Variants in MTF2 observed in about 807,000 individuals in gnomAD.
MTF2 encodes metal-response element-binding transcription factor 2.
A neutral mutation model predicts 79.5 loss-of-function variants in MTF2; 11 were observed. The ratio of observed to expected loss-of-function variants is 0.14; its 90% CI spans 0.09 to 0.23. MTF2 has a LOEUF of 0.23. Among genes scored for constraint, MTF2 ranks in the 10% least tolerant of loss-of-function variants. MTF2 has a pLI of 1.00. For synonymous variants in MTF2, 208 were observed against 232.8 expected (o/e 0.89, Z 0.97); for missense variants, 486 against 711.2 (o/e 0.68, Z 3.60).
intron 1 of MTF2, among the ~76,000 whole-genome samples, chr1:93,100,471 A>AT (rs1296504145): frequency 6.6e-6 from 1 of 151,886 alleles, no homozygotes; most frequent in Non-Finnish European, 1.5e-5. Context: ...TGCCTGGCTA[A>AT]TTTTTTAGTA....
At chr1:93,104,995 T>C (rs1206671563) in intron 1 of MTF2, among the ~76,000 whole-genome samples, 5 of 151,850 alleles carry the variant, frequency 3.3e-5, no homozygotes, top group Admixed American at 3.3e-4. Context: ...ATACAAAAAG[T>C]TAGCCGGGTG....
At chr1:93,129,608 T>C (rs1159563993) in intron 11 of MTF2, among the ~76,000 whole-genome samples, 160 bp downstream of exon 11, 1 of 151,156 alleles carries the variant, frequency 6.6e-6, no homozygotes, top group East Asian at 1.9e-4. Context: ...AGACAAGGTA[T>C]GAAGAGTTGA....
rs11579469 is a variant in MTF2 at position 93,105,585 on chromosome 1, C to T, written c.6-4645C>T. On this transcript the variant is annotated intron_variant, in intron 1 of 14. Coordinates refer to ENST00000370298, the MANE Select transcript of MTF2 (RefSeq NM_007358.4). ...CAGTGATCTGAGTATTAAATTACCTCTATATATCTACTGCCTGGCACAGTA... is the reference window on the plus strand; with the variant it reads ...CAGTGATCTGAGTATTAAATTACCTTTATATATCTACTGCCTGGCACAGTA... 3.9e-5 allele frequency among the ~76,000 whole-genome samples: 6 copies of T among 152,288 alleles called. No homozygotes were observed. The East Asian group carries it at 1.2e-3, about 29-fold the overall frequency.
At position 93,133,367 on chromosome 1, in the gene MTF2, T is replaced by C. The variant is rs114356307; in HGVS notation, c.1161-336T>C. ...AAAATTAAACTATATAATTGAGCTT[T>C]TAGGAGTTTTGAAATCTTCCATCCA... is the stretch of plus-strand genomic sequence containing the variant. On this transcript the variant is annotated intron_variant, in intron 11 of 14. Transcript: ENST00000370298. Among the ~76,000 whole-genome samples, 1,224 of 152,246 alleles carry C rather than the reference T, an allele frequency of 8.0e-3. 14 individuals are homozygous for C. The highest frequency in any genetic ancestry group is 0.027 in the African/African-American group (1,143 of 41,572).
At chr1:93,084,288 T>C (rs1346224035) in intron 1 of MTF2, among the ~76,000 whole-genome samples, 1 of 152,208 alleles carries the variant, frequency 6.6e-6, no homozygotes, top group Non-Finnish European at 1.5e-5. Context: ...TTGTCAAAAA[T>C]AAATTAACCA....
At position 93,119,256 on chromosome 1, in the gene MTF2, G is replaced by A. The variant is rs1010871517; in HGVS notation, c.729-77G>A. On this transcript the variant is annotated intron_variant, in intron 7 of 14. Coordinates refer to ENST00000370298, the MANE Select transcript of MTF2 (RefSeq NM_007358.4). The stretch of plus-strand genomic sequence containing the variant: ...TATATCAGCTGTAGGTTATTCACTT[G>A]GTGAATATTAGCTATAATTGTTAGT... The A allele has an allele frequency of 3.1e-6, 3 of 963,106 alleles. No individual in the cohort carries two copies. In the African/African-American group the frequency reaches 5.1e-5, roughly 16 times the overall value. 59.7% of individuals were successfully genotyped at this position (963,106 alleles called of 1,614,324 possible).
intron 1 of MTF2, among the ~76,000 whole-genome samples, chr1:93,080,674 C>G (rs1301216227): frequency 6.6e-6 from 1 of 151,980 alleles, no homozygotes; most frequent in Non-Finnish European, 1.5e-5. Context: ...TAGTTACTTT[C>G]TCCTTCAGAT....
rs543827496 is a variant in MTF2, at chr1:93,106,066, TGAG to T, written c.6-4159_6-4157del. On this transcript the variant is annotated intron_variant, in intron 1 of 14. Coordinates refer to ENST00000370298, the MANE Select transcript of MTF2 (RefSeq NM_007358.4). ...TTGACTGTGAATGGAAGGGAAAAAA[TGAG>T]GAGGTGGTGGGAAGGGGGCATAAGG... Among the ~76,000 whole-genome samples the T allele has an allele frequency of 2.6e-3, 396 of 151,894 alleles. 7 individuals are homozygous for T. The highest frequency in any genetic ancestry group is 4.4e-3 in the Non-Finnish European group (301 of 67,972).
intron 1 of MTF2, among the ~76,000 whole-genome samples, chr1:93,103,479 A>C (rs1442332422): frequency 6.6e-6 from 1 of 151,530 alleles, no homozygotes; most frequent in Non-Finnish European, 1.5e-5. Flanking sequence ...TTGTTATGTG[A>C]GAAAATTTAT....
chr1:93,119,694 C>G (rs1656393623), intron 8 of MTF2: 1 of 265,530 alleles, frequency 3.8e-6, no homozygotes, highest in Non-Finnish European at 7.0e-6. Context: ...GAATACCATA[C>G]AGTAGAAGAG....
chr1:93,089,601 C>T (rs1654987068), intron 1 of MTF2, among the ~76,000 whole-genome samples: 1 of 152,180 alleles, frequency 6.6e-6, no homozygotes, highest in African/African-American at 2.4e-5. Flanking sequence ...GTGGTACAAT[C>T]ACAGCTCTCG....
intron 3 of MTF2, among the ~76,000 whole-genome samples, chr1:93,114,067 A>AC (rs1656150277): frequency 6.6e-6 from 1 of 151,620 alleles, no homozygotes; most frequent in South Asian, 2.1e-4. Context: ...TGCTAAAAAA[A>AC]ATTAATAATT....
chr1:93,114,948 A>G, intron 4 of MTF2, 40 bp from the exon 5 acceptor site: 1 of 1,444,444 alleles, frequency 6.9e-7, no homozygotes, highest in Middle Eastern at 1.8e-4. Context: ...TGAAAGTATT[A>G]ATGAAACCGA....
chr1:93,097,968 G>T (rs1024408396), intron 1 of MTF2, among the ~76,000 whole-genome samples: 2 of 152,096 alleles, frequency 1.3e-5, no homozygotes, highest in East Asian at 3.8e-4. Flanking sequence ...CATAGTGTTT[G>T]TTTATTCAGC....
At position 93,136,721 on chromosome 1, in the gene MTF2, A is replaced by G. The variant is rs1230640401; in HGVS notation, c.1476A>G (p.Ala492=). ...GTACAGGAAGATCTTGGCCTGCTGC[A>G]ATACCACATTTGCGGAGAAGAAGAG... ...RTRTGRSWPA[A]IPHLRRRRGR... is the part of the protein sequence containing the mutation. The change falls in exon 15 of 15, where the codon GCA becomes GCG. Residue 492 remains alanine (A), a synonymous_variant. Coordinates refer to ENST00000370298, the MANE Select transcript of MTF2 (RefSeq NM_007358.4). The G allele has an allele frequency of 1.2e-6, 2 of 1,614,222 alleles. No individual in the cohort carries two copies. The highest frequency in any genetic ancestry group is 1.7e-6 in the Non-Finnish European group (2 of 1,180,030).
intron 1 of MTF2, among the ~76,000 whole-genome samples, chr1:93,099,067 A>G (rs955459124): frequency 6.6e-6 from 1 of 152,216 alleles, no homozygotes; most frequent in Non-Finnish European, 1.5e-5. Context: ...AAGAATGTAG[A>G]GAGGGTTTTT....
chr1:93,097,643 G>GC (rs1655351154), intron 1 of MTF2, among the ~76,000 whole-genome samples: 2 of 152,094 alleles, frequency 1.3e-5, no homozygotes, highest in East Asian at 3.8e-4. Context: ...TGTCGCCCAG[G>GC]CAGGAGTGTA....
chr1:93,091,299 T>G (rs1655066706), intron 1 of MTF2, among the ~76,000 whole-genome samples: 1 of 152,250 alleles, frequency 6.6e-6, no homozygotes, highest in Non-Finnish European at 1.5e-5. Context: ...CTTGTATTTC[T>G]CTGGTGACTT....
At chr1:93,086,433 G>C (rs1197331575) in intron 1 of MTF2, among the ~76,000 whole-genome samples, 3 of 151,248 alleles carry the variant, frequency 2.0e-5, no homozygotes, top group African/African-American at 7.3e-5. Flanking sequence ...CAGGAGGCGG[G>C]GGCTGCAGTG....
Sources: allele counts gnomAD v4.1 joint callset (sites outside exome capture counted in the v4.1 genomes callset), GRCh38; gene constraint gnomAD v4.1.1; transcripts MANE v1.5; gene names NCBI Gene and HGNC (gene_info 2026-07-23, HGNC 2026-07-21).